ANKRD28: variants seen among roughly 807,000 people sequenced by gnomAD.
ANKRD28 encodes the protein serine/threonine-protein phosphatase 6 regulatory ankyrin repeat subunit A.
Under a neutral mutation model 126.5 loss-of-function variants are expected in ANKRD28, and 44 were observed. That is an observed-to-expected ratio of 0.35 (90% confidence interval 0.27 to 0.45). ANKRD28 has a LOEUF of 0.45. ANKRD28 is among the 20% of genes least tolerant of loss of function. The pLI is 1.00. For missense variants in ANKRD28, 1,110 were observed against 1,316.6 expected (o/e 0.84, Z 2.43); for synonymous variants, 442 against 468.5 (o/e 0.94, Z 0.73).
At chr3:15,847,643 T>C (rs888858307) in intron 1 of ANKRD28, among the ~76,000 whole-genome samples, 1 of 152,220 alleles carries the variant, frequency 6.6e-6, no homozygotes, top group South Asian at 2.1e-4. Context: ...AGAGTCATCC[T>C]TCTCCTTCAG....
At chr3:15,773,661 G>A (rs2059126710) in intron 2 of ANKRD28, among the ~76,000 whole-genome samples, 1 of 152,032 alleles carries the variant, frequency 6.6e-6, no homozygotes, top group South Asian at 2.1e-4. Flanking sequence ...TGAAAACTAT[G>A]AAACACGCAA....
At chr3:15,800,682 G>T (rs555131185), upstream of ANKRD28, among the ~76,000 whole-genome samples, 1 of 152,142 alleles carries the variant, frequency 6.6e-6, no homozygotes, top group East Asian at 1.9e-4. Context: ...TGTTAATTGG[G>T]GAGAGGGAGC....
chr3:15,758,944 G>A (rs971366163), intron 3 of ANKRD28, among the ~76,000 whole-genome samples: 2 of 152,192 alleles, frequency 1.3e-5, no homozygotes, highest in Non-Finnish European at 2.9e-5. Context: ...CCACAATGCA[G>A]TCATTTAAGG....
At chr3:15,795,699 A>T (rs562054908) in intron 1 of ANKRD28, among the ~76,000 whole-genome samples, 2 of 152,256 alleles carry the variant, frequency 1.3e-5, no homozygotes, top group South Asian at 4.1e-4. Flanking sequence ...GGCTTTTTTG[A>T]AAAGGTCTGT....
chr3:15,720,027 G>A (rs563267528), intron 8 of ANKRD28, among the ~76,000 whole-genome samples: 4 of 152,100 alleles, frequency 2.6e-5, no homozygotes, highest in African/African-American at 9.6e-5. Flanking sequence ...GAGCCACCAT[G>A]CCAAGCTCAT....
chr3:15,849,636 G>C (rs1013645088), intron 1 of ANKRD28, among the ~76,000 whole-genome samples: 1 of 152,076 alleles, frequency 6.6e-6, no homozygotes, highest in Non-Finnish European at 1.5e-5. Flanking sequence ...CAATGGACCT[G>C]AATAAATATT....
chr3:15,670,208 C>T lies in ANKRD28; in HGVS notation c.*62G>A. On this transcript the variant is annotated 3_prime_UTR_variant, in exon 28 of 28. Coordinates refer to ENST00000683139, the MANE Select transcript of ANKRD28 (RefSeq NM_001349278.2). ...GAATTTCTACGTGAATATCAAAGTG[C>T]CTTTTTCCTGAAAAAGCACAGTTTG... The T allele has an allele frequency of 6.5e-7, 1 of 1,543,782 alleles. No individual in the cohort carries two copies. Among genetic ancestry groups the T allele is most frequent in the South Asian group, 1.2e-5 (1 of 82,088 alleles).
intron 1 of ANKRD28, among the ~76,000 whole-genome samples, chr3:15,852,553 G>A (rs1027021780): frequency 6.6e-5 from 10 of 152,032 alleles, no homozygotes; most frequent in African/African-American, 7.3e-5. Flanking sequence ...GTCAACTTAC[G>A]CCGGGCATGG....
chr3:15,759,156 G>A (rs1243383269), intron 3 of ANKRD28, among the ~76,000 whole-genome samples: 2 of 152,092 alleles, frequency 1.3e-5, no homozygotes, highest in Non-Finnish European at 2.9e-5. Context: ...GGAGGAGGGT[G>A]GAAATTATGG....
At chr3:15,684,588 GA>G (rs1352307504) in intron 21 of ANKRD28, 1 of 151,896 alleles carries the variant, frequency 6.6e-6, no homozygotes, top group African/African-American at 2.4e-5. Flanking sequence ...ATTGTATTTA[GA>G]AAGTAAAAGA....
intron 24 of ANKRD28, 51 bp downstream of exon 24, chr3:15,678,158 A>G (rs1261108043): frequency 3.5e-5 from 53 of 1,521,002 alleles, no homozygotes; most frequent in South Asian, 3.1e-4. Flanking sequence ...TAAGTTATAC[A>G]TAAGTGATAC....
intron 1 of ANKRD28, among the ~76,000 whole-genome samples, chr3:15,823,004 T>C (rs571458628): frequency 1.3e-5 from 2 of 152,332 alleles, no homozygotes; most frequent in South Asian, 4.1e-4. Context: ...GACAAATTCC[T>C]AGAAACATAC....
intron 1 of ANKRD28, among the ~76,000 whole-genome samples, chr3:15,835,554 G>A (rs1009003855): frequency 4.6e-5 from 7 of 152,202 alleles, no homozygotes; most frequent in African/African-American, 1.7e-4. Context: ...CCTCACATCT[G>A]AGGACAGAAC....
At chr3:15,795,388 C>A in intron 1 of ANKRD28, 82 bp from the exon 2 acceptor site, 2 of 955,416 alleles carry the variant, frequency 2.1e-6, no homozygotes, top group Admixed American at 2.1e-5. Flanking sequence ...CTGGAATCTA[C>A]AAGTTTTCTT....
chr3:15,799,846 T>A (rs1030955553), upstream of ANKRD28, among the ~76,000 whole-genome samples: 2 of 152,062 alleles, frequency 1.3e-5, no homozygotes, highest in Admixed American at 1.3e-4. Context: ...ATTGTCTCCT[T>A]CCACTTTCTT....
At position 15,815,004 on chromosome 3, in the gene ANKRD28, C is replaced by G. The variant is rs1334011838; in HGVS notation, c.28-19698G>C. ...GTGGACCTTAAATATTCCGCAACAC[C>G]CTGAATATGACATTCCATTCAAAAA... On this transcript the variant is annotated intron_variant, in intron 1 of 27. Coordinates refer to the ANKRD28 transcript ENST00000399451. This position sits in a 1 kb window ranked among gnomAD's most constrained non-coding sequence, Gnocchi z 4.1. 6.6e-6 allele frequency among the ~76,000 whole-genome samples: 1 copy of G among 151,132 alleles called. No homozygotes were observed. Among genetic ancestry groups the G allele is most frequent in the Non-Finnish European group, 1.5e-5 (1 of 67,800 alleles).
chr3:15,777,832 C>A (rs1333853594), intron 2 of ANKRD28, among the ~76,000 whole-genome samples: 1 of 141,082 alleles, frequency 7.1e-6, no homozygotes, highest in Non-Finnish European at 1.5e-5. Context: ...TGACTGCTCC[C>A]ATCACCAAAA....
chr3:15,756,725 G>C (rs11924845), intron 3 of ANKRD28, among the ~76,000 whole-genome samples: 7,440 of 152,174 alleles, frequency 0.049, 592 homozygotes, highest in African/African-American at 0.17. Context: ...AGGTGGATAT[G>C]AATATGTATG....
chr3:15,728,995 C>T lies in ANKRD28; in HGVS notation c.641-4471G>A, dbSNP rs564896253. ...CTGCTCAGTTACTCAAGGACCCAGG[C>T]TCATGTAACTGACATCATCTTGAAT... On this transcript the variant is annotated intron_variant, in intron 6 of 27. Coordinates refer to ENST00000683139, the MANE Select transcript of ANKRD28 (RefSeq NM_001349278.2). Among the ~76,000 whole-genome samples the T allele has an allele frequency of 2.0e-5, 3 of 152,284 alleles. No individual in the cohort carries two copies. The East Asian group carries it at 5.8e-4, about 29-fold the overall frequency.
Sources: allele counts gnomAD v4.1 joint callset (sites outside exome capture counted in the v4.1 genomes callset), GRCh38; gene constraint gnomAD v4.1.1; non-coding constraint Gnocchi (gnomAD v3.1); transcripts MANE v1.5; gene names NCBI Gene and HGNC (gene_info 2026-07-23, HGNC 2026-07-21).